Variants in SHC3 observed in about 807,000 individuals in gnomAD.
The protein encoded by SHC3 is SHC adaptor protein 3.
In SHC3, 15 loss-of-function variants were observed where a neutral mutation model predicts 60.4. That is an observed-to-expected ratio of 0.25 (90% confidence interval 0.17 to 0.38). The LOEUF (loss-of-function observed/expected upper bound fraction) is 0.38, where lower values mean the gene tolerates loss of function less well. Ranked by LOEUF, SHC3 falls within the 10% of genes least tolerant of loss-of-function variation. The pLI, the probability that SHC3 is intolerant of heterozygous loss-of-function variation, is 1.00. For missense variants in SHC3, 677 were observed against 786.1 expected, an observed-to-expected ratio of 0.86 and a Z score of 1.66; for synonymous variants, 294 against 325.9, an observed-to-expected ratio of 0.90 and a Z score of 1.05.
Position 89,089,161 on chromosome 9 carries a change from G to A in SHC3, c.546-11258C>T, listed in dbSNP as rs949525784. On this transcript the variant is annotated intron_variant, in intron 2 of 11. Transcript: ENST00000375835. ...TTCCAGGGCAGTTCTACTGGATGAT[G>A]CACCAGAAGCTGGCTGTCCCATCTT... Among the ~76,000 whole-genome samples the A allele has an allele frequency of 7.2e-5, 11 of 152,172 alleles. No individual in the cohort carries two copies. The South Asian group carries it at 1.0e-3, about 14-fold the overall frequency.
chr9:89,109,450 G>C, intron 2 of SHC3: 3 of 985,518 alleles, frequency 3.0e-6, no homozygotes, highest in Non-Finnish European at 3.6e-6. Flanking sequence ...ACATGATGGA[G>C]TGAAAGGATT....
At chr9:89,106,367 C>A (rs548842441) in intron 2 of SHC3, among the ~76,000 whole-genome samples, 1 of 152,346 alleles carries the variant, frequency 6.6e-6, no homozygotes, top group East Asian at 1.9e-4. Context: ...GTGGCTCCAG[C>A]CAGCGCTGTC....
intron 1 of SHC3, among the ~76,000 whole-genome samples, chr9:89,149,966 C>T (rs944674381): frequency 1.3e-5 from 2 of 152,198 alleles, no homozygotes; most frequent in African/African-American, 4.8e-5. Flanking sequence ...CACTTAGTAA[C>T]AATCCCAGTT....
chr9:89,160,982 T>C (rs1826696283), intron 1 of SHC3, among the ~76,000 whole-genome samples: 1 of 152,204 alleles, frequency 6.6e-6, no homozygotes, highest in African/African-American at 2.4e-5. Flanking sequence ...CTGGACCAGT[T>C]GCTGTTGATC....
intron 6 of SHC3, among the ~76,000 whole-genome samples, chr9:89,059,776 AGGATG>A (rs1181061013): frequency 6.1e-3 from 758 of 123,970 alleles, no homozygotes; most frequent in Middle Eastern, 6.9e-3. Flanking sequence ...ATGGTGGTGG[AGGATG>A]GTGGTGGAGG....
chr9:89,172,877 C>T (rs1030939932), intron 1 of SHC3, among the ~76,000 whole-genome samples: 1 of 152,154 alleles, frequency 6.6e-6, no homozygotes, highest in Admixed American at 6.5e-5. Flanking sequence ...TTCCTCTGAG[C>T]CCCACCATGG....
intron 11 of SHC3, among the ~76,000 whole-genome samples, chr9:89,030,029 A>G (rs952901706): frequency 6.6e-6 from 1 of 152,158 alleles, no homozygotes; most frequent in African/African-American, 2.4e-5. Flanking sequence ...GAGAGAAAAG[A>G]ATGTGTCTCA....
intron 1 of SHC3, among the ~76,000 whole-genome samples, chr9:89,154,046 G>A (rs1277371408): frequency 6.6e-6 from 1 of 152,146 alleles, no homozygotes; most frequent in Non-Finnish European, 1.5e-5. Context: ...CATCATCCAA[G>A]AGAAGTGGAG....
chr9:89,077,936 G>T (rs761889567), intron 2 of SHC3, 33 bp from the exon 3 acceptor site: 13 of 1,612,540 alleles, frequency 8.1e-6, no homozygotes, highest in South Asian at 5.5e-5. Context: ...ATTTTATTAC[G>T]TGTCAGTCGG....
At chr9:89,016,120 C>A (rs1180591937) in intron 11 of SHC3, among the ~76,000 whole-genome samples, 1 of 151,242 alleles carries the variant, frequency 6.6e-6, no homozygotes, top group Non-Finnish European at 1.5e-5. Context: ...TCTAGCCAGG[C>A]TAAGAAAAAA....
chr9:89,033,971 G>A (rs1478422312), intron 11 of SHC3, among the ~76,000 whole-genome samples: 1 of 152,018 alleles, frequency 6.6e-6, no homozygotes, highest in Non-Finnish European at 1.5e-5. Context: ...GACAAGACAG[G>A]TTTTACTTAC....
At chr9:89,018,536 G>A (rs1826135511) in intron 11 of SHC3, among the ~76,000 whole-genome samples, 1 of 152,120 alleles carries the variant, frequency 6.6e-6, no homozygotes, top group Non-Finnish European at 1.5e-5. Flanking sequence ...ACCTAATGTA[G>A]ATGATGGGTT....
At chr9:89,140,319 T>G (rs2118189007) in intron 1 of SHC3, among the ~76,000 whole-genome samples, 1 of 151,994 alleles carries the variant, frequency 6.6e-6, no homozygotes, top group East Asian at 1.9e-4. Flanking sequence ...CAGGGACAGC[T>G]GGAAGGCAAA....
At chr9:89,177,277 T>C (rs1301108438) in intron 1 of SHC3, among the ~76,000 whole-genome samples, 2 of 152,248 alleles carry the variant, frequency 1.3e-5, no homozygotes, top group African/African-American at 2.4e-5. Context: ...AAAAAACTCC[T>C]TTCCAGCCTG....
chr9:89,165,922 C>A (rs943538820), intron 1 of SHC3, among the ~76,000 whole-genome samples: 1 of 152,126 alleles, frequency 6.6e-6, no homozygotes, highest in Non-Finnish European at 1.5e-5. Context: ...ATTGCCTCTA[C>A]TTTCATTCTT....
At chr9:89,076,236 T>C (rs1225415179) in intron 3 of SHC3, among the ~76,000 whole-genome samples, 6 of 152,104 alleles carry the variant, frequency 3.9e-5, no homozygotes, top group African/African-American at 9.7e-5. Flanking sequence ...CCTTACTTGG[T>C]TCCCCATGGA....
At position 89,056,880 on chromosome 9, in the gene SHC3, G is replaced by A. The variant is rs4422843; in HGVS notation, c.836-4717C>T. Among the ~76,000 whole-genome samples, 997 of 152,332 alleles carry A rather than the reference G, an allele frequency of 6.5e-3. 8 individuals are homozygous for A. Among genetic ancestry groups the A allele is most frequent in the African/African-American group, 0.023 (952 of 41,572 alleles). On this transcript the variant is annotated intron_variant, in intron 6 of 11. Coordinates refer to ENST00000375835, the MANE Select transcript of SHC3 (RefSeq NM_016848.6). ...ACAGCGAGACCCTGCCCAAGCCAAG[G>A]CAAAAAACTTATCGGGATCCATGCC... is the stretch of plus-strand genomic sequence containing the variant.
chr9:89,095,235 A>G (rs1380234425), intron 2 of SHC3, among the ~76,000 whole-genome samples: 1 of 152,254 alleles, frequency 6.6e-6, no homozygotes, highest in Non-Finnish European at 1.5e-5. Context: ...TAACTGATGA[A>G]TGGACAAACA....
chr9:89,175,582 G>A (rs1010153707), intron 1 of SHC3, among the ~76,000 whole-genome samples: 1 of 152,130 alleles, frequency 6.6e-6, no homozygotes, highest in South Asian at 2.1e-4. Flanking sequence ...TTTCTTTGAG[G>A]GGGAAAATCT....
Sources: gnomAD v4.1 joint callset for allele counts (sites outside exome capture counted in the v4.1 genomes callset) on GRCh38, gnomAD v4.1.1 for gene constraint, MANE v1.5 for transcripts, NCBI Gene and HGNC (gene_info 2026-07-23, HGNC 2026-07-21) for gene names.